Variants in PTPRD observed in about 807,000 individuals in gnomAD.
PTPRD encodes receptor-type tyrosine-protein phosphatase delta.
A neutral mutation model predicts 214.5 loss-of-function variants in PTPRD; 34 were observed. The observed-to-expected ratio is 0.16, with a 90% CI of 0.12 to 0.21. The LOEUF (loss-of-function observed/expected upper bound fraction) is 0.21. Ranked by LOEUF, PTPRD falls within the 10% of genes least tolerant of loss-of-function variation. PTPRD has a pLI of 1.00. For missense variants in PTPRD, 2,545 were observed against 2,398.7 expected (o/e 1.06, Z -1.27); for synonymous variants, 1,128 against 845.7 (o/e 1.33, Z -5.79).
At chr9:9,141,238 G>A (rs572272965) in intron 10 of PTPRD, among the ~76,000 whole-genome samples, 14 of 113,634 alleles carry the variant, frequency 1.2e-4, no homozygotes, top group South Asian at 8.7e-4. Context: ...TCCTCCCCCC[G>A]TCTTCCTCTC....
chr9:9,383,204 G>C (rs1252960544), intron 9 of PTPRD, among the ~76,000 whole-genome samples: 2 of 151,878 alleles, frequency 1.3e-5, no homozygotes, highest in Non-Finnish European at 2.9e-5. Context: ...ATCATTTCCA[G>C]AGTTATTCTC....
chr9:8,713,646 C>A (rs1317066079), intron 12 of PTPRD: 2 of 1,522,002 alleles, frequency 1.3e-6, no homozygotes, highest in Non-Finnish European at 1.8e-6. Context: ...GCTACCGAGA[C>A]ATGGGCGCCC....
intron 9 of PTPRD, among the ~76,000 whole-genome samples, chr9:9,198,092 T>C (rs1219851319): frequency 6.6e-6 from 1 of 152,326 alleles, no homozygotes; most frequent in East Asian, 1.9e-4. Context: ...TGCATTTAGG[T>C]TTACTTATAT....
intron 2 of PTPRD, among the ~76,000 whole-genome samples, chr9:10,568,617 A>T (rs1203277723): frequency 6.6e-6 from 1 of 152,060 alleles, no homozygotes; most frequent in Non-Finnish European, 1.5e-5. Context: ...TAATAATGCC[A>T]CATATCTACA....
chr9:9,914,539 T>C (rs1467529340), intron 5 of PTPRD, among the ~76,000 whole-genome samples: 1 of 152,192 alleles, frequency 6.6e-6, no homozygotes, highest in Non-Finnish European at 1.5e-5. Context: ...ACTTACAGCC[T>C]TGCAGATTGC....
chr9:8,872,648 A>T (rs1004745491), intron 11 of PTPRD, among the ~76,000 whole-genome samples: 1 of 152,228 alleles, frequency 6.6e-6, no homozygotes, highest in African/African-American at 2.4e-5. Flanking sequence ...CATTTATGTA[A>T]ATCTGGTTGA....
chr9:8,437,650 A>C (rs1408937053), intron 34 of PTPRD, among the ~76,000 whole-genome samples: 1 of 152,142 alleles, frequency 6.6e-6, no homozygotes, highest in African/African-American at 2.4e-5. Flanking sequence ...CCCATTATTC[A>C]ACCCCCAGCA....
At chr9:9,905,108 C>T (rs2077241865) in intron 5 of PTPRD, among the ~76,000 whole-genome samples, 1 of 151,962 alleles carries the variant, frequency 6.6e-6, no homozygotes, top group African/African-American at 2.4e-5. Flanking sequence ...AGTAACTCAC[C>T]TTCCCATGCC....
chr9:8,530,609 G>A (rs2075431513), intron 14 of PTPRD, among the ~76,000 whole-genome samples: 1 of 151,994 alleles, frequency 6.6e-6, no homozygotes, highest in East Asian at 1.9e-4. Context: ...GCTAGCCTGG[G>A]TTTCCAGATT....
At chr9:8,399,421 G>A (rs2091969282) in intron 36 of PTPRD, among the ~76,000 whole-genome samples, 2 of 152,096 alleles carry the variant, frequency 1.3e-5, no homozygotes, top group South Asian at 4.1e-4. Context: ...AAAGGATCCA[G>A]CTTCCCCAAA....
intron 11 of PTPRD, among the ~76,000 whole-genome samples, chr9:8,829,566 A>G (rs913800480): frequency 2.6e-5 from 4 of 152,174 alleles, no homozygotes; most frequent in African/African-American, 9.6e-5. Context: ...CACACATCAC[A>G]CTGGGTTAGA....
intron 5 of PTPRD, among the ~76,000 whole-genome samples, chr9:9,890,586 A>C (rs2072940331): frequency 1.3e-5 from 2 of 152,064 alleles, no homozygotes; most frequent in African/African-American, 2.4e-5. Context: ...ATATGCCAGA[A>C]TTATTTTACA....
chr9:9,612,347 C>G (rs905697023), intron 7 of PTPRD, among the ~76,000 whole-genome samples: 2 of 152,082 alleles, frequency 1.3e-5, no homozygotes, highest in African/African-American at 2.4e-5. Context: ...TGCCACCCCA[C>G]GACACAAATC....
At chr9:8,607,617 T>A (rs1191908369) in intron 14 of PTPRD, among the ~76,000 whole-genome samples, 5 of 152,120 alleles carry the variant, frequency 3.3e-5, no homozygotes, top group Non-Finnish European at 5.9e-5. Context: ...CACTCCAGCC[T>A]GGGAGACTGA....
rs1182173608 is a variant in PTPRD at position 10,567,028 on chromosome 9, A to G, written c.-600+45370T>C. ...AAACTCCCTCTTTCCTTCCTGAGCAATCCCTATGGTACGTGACTCTCCACC... is the reference window on the plus strand; with the variant it reads ...AAACTCCCTCTTTCCTTCCTGAGCAGTCCCTATGGTACGTGACTCTCCACC... On this transcript the variant is annotated intron_variant, in intron 2 of 45. Coordinates refer to ENST00000381196, the MANE Select transcript of PTPRD (RefSeq NM_002839.4). 2.0e-5 allele frequency among the ~76,000 whole-genome samples: 3 copies of G among 152,004 alleles called. No individual in the cohort carries two copies. The East Asian group carries it at 5.8e-4, about 29-fold the overall frequency.
At chr9:9,517,802 G>A (rs1301531217) in intron 8 of PTPRD, among the ~76,000 whole-genome samples, 1 of 151,848 alleles carries the variant, frequency 6.6e-6, no homozygotes, top group African/African-American at 2.4e-5. Context: ...CCCTAATTTT[G>A]AAAATAATTC....
Position 8,436,641 on chromosome 9 carries a change from A to T in PTPRD, c.4037T>A (p.Ile1346Asn). Residue 1346 changes from isoleucine to asparagine, a missense_variant, in exon 35 of 46, where the codon ATT (isoleucine) becomes AAT (asparagine). Ile to Asn is a moderately radical substitution (Grantham distance 149). Coordinates refer to ENST00000381196, the MANE Select transcript of PTPRD (RefSeq NM_002839.4). ...GTTGTCATTTGCTTTCAATCTTTCA[A>T]TGTGGTCTGCAAGTTCCAAGATGGG... ...PIPILELADH[I>N]ERLKANDNLK... 3.7e-6 allele frequency: 6 copies of T among 1,613,630 alleles called. No individual in the cohort carries two copies. The highest frequency in any genetic ancestry group is 5.1e-6 in the Non-Finnish European group (6 of 1,179,762).
intron 8 of PTPRD, among the ~76,000 whole-genome samples, chr9:9,448,306 G>C (rs2145013482): frequency 6.6e-6 from 1 of 152,156 alleles, no homozygotes; most frequent in South Asian, 2.1e-4. Context: ...ACACGAGGAG[G>C]GAGGGACCTG....
At chr9:8,711,877 A>G (rs2098341055) in intron 12 of PTPRD, among the ~76,000 whole-genome samples, 1 of 152,234 alleles carries the variant, frequency 6.6e-6, no homozygotes, top group Non-Finnish European at 1.5e-5. Flanking sequence ...CTACGCAAGC[A>G]ATGATCTATT....
Sources: gnomAD v4.1 joint callset for allele counts (sites outside exome capture counted in the v4.1 genomes callset) on GRCh38, gnomAD v4.1.1 for gene constraint, MANE v1.5 for transcripts, NCBI Gene and HGNC (gene_info 2026-07-23, HGNC 2026-07-21) for gene names.